Variants in NEK11 observed in about 807,000 individuals in gnomAD.
NEK11 encodes NIMA related kinase 11.
NEK11 carries 72 observed loss-of-function variants against 80.7 expected under a neutral mutation model. The observed-to-expected ratio is 0.89, with a 90% CI of 0.74 to 1.08. The LOEUF (loss-of-function observed/expected upper bound fraction) is 1.08. Ranked by LOEUF, NEK11 falls within the 50% of genes least tolerant of loss-of-function variation. The pLI is 0.00. For synonymous variants in NEK11, 251 were observed against 260.7 expected (o/e 0.96, Z 0.36); for missense variants, 764 against 763.6 (o/e 1.00, Z -0.01).
chr3:131,299,482 C>T (rs893495103), intron 17 of NEK11, among the ~76,000 whole-genome samples: 2 of 151,820 alleles, frequency 1.3e-5, no homozygotes, highest in East Asian at 1.9e-4. Flanking sequence ...CATCAGCCAC[C>T]ATGCCTGGCC....
At position 131,116,638 on chromosome 3, in the gene NEK11, T is replaced by A. The variant is rs186949971; in HGVS notation, c.455+6717T>A. ...TTCTCCACATCCTCTCCAGCACCTGTTGTTTCCTGACTTTTTAATAATTGC... is the reference window on the plus strand; with the variant it reads ...TTCTCCACATCCTCTCCAGCACCTGATGTTTCCTGACTTTTTAATAATTGC... On this transcript the variant is annotated intron_variant, in intron 5 of 17. Coordinates refer to ENST00000383366, the MANE Select transcript of NEK11 (RefSeq NM_024800.5). 3.3e-3 allele frequency among the ~76,000 whole-genome samples: 507 copies of A among 152,314 alleles called. 2 individuals carry two copies. The highest frequency in any genetic ancestry group is 0.011 in the African/African-American group (465 of 41,546).
At chr3:131,281,743 C>T (rs967855568) in intron 17 of NEK11, among the ~76,000 whole-genome samples, 2 of 152,222 alleles carry the variant, frequency 1.3e-5, no homozygotes, top group Admixed American at 6.5e-5. Context: ...CCACAAAGTA[C>T]GTTATCAAAC....
rs555391489 is a variant in NEK11 at position 131,346,207 on chromosome 3, G to C, written c.1719-3350G>C. On this transcript the variant is annotated intron_variant, in intron 17 of 17. Coordinates refer to ENST00000383366, the MANE Select transcript of NEK11 (RefSeq NM_024800.5). Reference sequence around the variant, plus strand: ...TTTTAGCTGTTCTTGTCATAAAAAAGTAACTATGTGAGGTCATAGATATAT... The same window carrying C: ...TTTTAGCTGTTCTTGTCATAAAAAACTAACTATGTGAGGTCATAGATATAT... 8.5e-5 allele frequency among the ~76,000 whole-genome samples: 13 copies of C among 152,166 alleles called. No individual in the cohort carries two copies. The South Asian group carries it at 1.7e-3, about 19-fold the overall frequency.
In NEK11 at chr3:131,349,717, T is replaced by A. The variant is rs1405108308; in HGVS notation, c.1879T>A (p.Phe627Ile). ...TTTTGAAGTGGACCAGCTCCTGTAC[T>A]TTGAAGAGCAGTTGCTGATCACGAT... Reference protein sequence around the residue: ...DCFEVDQLLYFEEQLLITMGK... With the variant: ...DCFEVDQLLYIEEQLLITMGK... The change falls in exon 18 of 18, where the codon TTT (phenylalanine) becomes ATT (isoleucine). Residue 627 changes from phenylalanine (F) to isoleucine (I), a missense_variant. By Grantham distance (21) the Phe-to-Ile change is conservative. Coordinates refer to ENST00000383366, the MANE Select transcript of NEK11 (RefSeq NM_024800.5). 1 of 1,614,088 alleles carries A rather than the reference T, an allele frequency of 6.2e-7. No individual in the cohort carries two copies. The highest frequency in any genetic ancestry group is 8.5e-7 in the Non-Finnish European group (1 of 1,180,034).
At chr3:131,086,502 G>A (rs974716126) in intron 4 of NEK11, among the ~76,000 whole-genome samples, 6 of 152,130 alleles carry the variant, frequency 3.9e-5, no homozygotes, top group Admixed American at 6.5e-5. Flanking sequence ...ACCCAGTACC[G>A]TCACTGTTTA....
intron 7 of NEK11, among the ~76,000 whole-genome samples, chr3:131,134,479 C>A (rs886621875): frequency 6.6e-6 from 1 of 151,828 alleles, no homozygotes; most frequent in African/African-American, 2.4e-5. Flanking sequence ...CAGCTCACTG[C>A]AACCTCCACC....
At chr3:131,195,820 A>ATATATATATATATATATATATAT (rs1553929089) in intron 14 of NEK11, among the ~76,000 whole-genome samples, 2 of 143,500 alleles carry the variant, frequency 1.4e-5, no homozygotes, top group African/African-American at 5.0e-5. Context: ...ATATATATAT[A>ATATATATATATATATATATATAT]AAATTGAAGA....
intron 14 of NEK11, among the ~76,000 whole-genome samples, chr3:131,176,317 A>G (rs1165519315): frequency 6.6e-6 from 1 of 152,208 alleles, no homozygotes; most frequent in Non-Finnish European, 1.5e-5. Context: ...GGTTACTTCC[A>G]CATTCCTAGA....
chr3:131,082,865 C>T (rs546635156), intron 4 of NEK11, among the ~76,000 whole-genome samples: 2 of 152,286 alleles, frequency 1.3e-5, no homozygotes, highest in African/African-American at 4.8e-5. Context: ...AAGTTTCAGA[C>T]ATGATGCTCC....
At chr3:131,107,853 A>G (rs2079445331) in intron 4 of NEK11, among the ~76,000 whole-genome samples, 1 of 152,132 alleles carries the variant, frequency 6.6e-6, no homozygotes, top group African/African-American at 2.4e-5. Context: ...GCTACACAGG[A>G]TGTTATAATG....
At chr3:131,126,705 T>C (rs2083399743) in intron 5 of NEK11, among the ~76,000 whole-genome samples, 3 of 152,158 alleles carry the variant, frequency 2.0e-5, no homozygotes, top group African/African-American at 7.2e-5. Flanking sequence ...GCTTGGGATT[T>C]CTTTTGCTTC....
chr3:131,133,813 T>A lies in NEK11; in HGVS notation c.521-17T>A, dbSNP rs759990204. 1 of 1,600,754 alleles carries A rather than the reference T, an allele frequency of 6.2e-7. No homozygotes were observed. The highest frequency in any genetic ancestry group is 1.3e-5 in the African/African-American group (1 of 74,378). On this transcript the variant is annotated splice_polypyrimidine_tract_variant and intron_variant, in intron 6 of 17. Coordinates refer to ENST00000383366, the MANE Select transcript of NEK11 (RefSeq NM_024800.5). ...CGTTGGCTTAAAGTATTCATAAAAA[T>A]TAATTATTATTTCAAGGAGATTTTG...
chr3:131,161,149 C>CAAA (rs371334381), intron 10 of NEK11, among the ~76,000 whole-genome samples: 2 of 115,116 alleles, frequency 1.7e-5, no homozygotes, highest in Admixed American at 9.3e-5. Flanking sequence ...GACTCCATCT[C>CAAA]AAAAAAAAAA....
intron 17 of NEK11, among the ~76,000 whole-genome samples, chr3:131,283,269 A>T (rs541428402): frequency 2.6e-5 from 4 of 152,300 alleles, no homozygotes; most frequent in African/African-American, 7.2e-5. Context: ...CAGGCCTTTT[A>T]TGTACCTGGC....
intron 17 of NEK11, among the ~76,000 whole-genome samples, chr3:131,305,663 C>T (rs2096716100): frequency 6.6e-6 from 1 of 152,212 alleles, no homozygotes; most frequent in Non-Finnish European, 1.5e-5. Flanking sequence ...GAACAGTTCT[C>T]CCTGCCAGCT....
chr3:131,152,374 G>T lies in NEK11; in HGVS notation c.648-14G>T. 6.4e-7 allele frequency: 1 copy of T among 1,571,970 alleles called. No individual in the cohort carries two copies. The highest frequency in any genetic ancestry group is 1.2e-5 in the South Asian group (1 of 84,948). On this transcript the variant is annotated splice_polypyrimidine_tract_variant and intron_variant, in intron 7 of 17. Coordinates refer to ENST00000383366, the MANE Select transcript of NEK11 (RefSeq NM_024800.5). ...TATTTGTTCCTTATTTAAATTCTTTGACTTTGTCTTCAGGTCACTGGCATG... is the reference window on the plus strand; with the variant it reads ...TATTTGTTCCTTATTTAAATTCTTTTACTTTGTCTTCAGGTCACTGGCATG...
chr3:131,082,637 G>A (rs1000005720), intron 4 of NEK11, among the ~76,000 whole-genome samples: 1 of 152,044 alleles, frequency 6.6e-6, no homozygotes, highest in African/African-American at 2.4e-5. Flanking sequence ...GTGGCTCCTC[G>A]CTACCGTATT....
chr3:131,081,206 T>A (rs1212126140), intron 4 of NEK11, among the ~76,000 whole-genome samples: 1 of 152,236 alleles, frequency 6.6e-6, no homozygotes, highest in Non-Finnish European at 1.5e-5. Context: ...AATGGTCTGA[T>A]GCTTAGACGG....
chr3:131,127,475 TA>T (rs923476970), intron 5 of NEK11, among the ~76,000 whole-genome samples: 1 of 150,728 alleles, frequency 6.6e-6, no homozygotes, highest in East Asian at 1.9e-4. Flanking sequence ...CTAGTGCATA[TA>T]AAAATATATA....
Sources: gnomAD v4.1 joint callset for allele counts (sites outside exome capture counted in the v4.1 genomes callset) on GRCh38, gnomAD v4.1.1 for gene constraint, MANE v1.5 for transcripts, NCBI Gene and HGNC (gene_info 2026-07-23, HGNC 2026-07-21) for gene names.